Variants in SCMH1 observed in about 807,000 individuals in gnomAD.
SCMH1 encodes the protein polycomb protein SCMH1.
In SCMH1, 37 loss-of-function variants were observed where a neutral mutation model predicts 70.8. The observed-to-expected ratio is 0.52, with a 90% CI of 0.40 to 0.69. The LOEUF (loss-of-function observed/expected upper bound fraction) is 0.69, where lower values mean the gene tolerates loss of function less well. SCMH1 is among the 30% of genes least tolerant of loss of function. SCMH1 has a pLI of 0.00. For missense variants in SCMH1, 607 were observed against 827.3 expected (o/e 0.73, Z 3.27); for synonymous variants, 292 against 307.4 (o/e 0.95, Z 0.52).
intron 7 of SCMH1, among the ~76,000 whole-genome samples, chr1:41,116,116 A>T (rs1408643283): frequency 6.6e-6 from 1 of 152,052 alleles, no homozygotes; most frequent in Non-Finnish European, 1.5e-5. Context: ...TTCTACTTGG[A>T]GTCTTTTGGT....
In SCMH1 at chr1:41,089,787, C is replaced by CTTTTTTTTTTTTTTTTTTTTTTTTTTT. The variant is rs373229472; in HGVS notation, c.746-14337_746-14336insAAAAAAAAAAAAAAAAAAAAAAAAAAA. Among the ~76,000 whole-genome samples, 10 of 58,754 alleles carry CTTTTTTTTTTTTTTTTTTTTTTTTTTT rather than the reference C, an allele frequency of 1.7e-4. 3 individuals carry two copies. The highest frequency in any genetic ancestry group is 2.9e-4 in the African/African-American group (4 of 13,600). 38.5% of individuals were successfully genotyped at this position (58,754 alleles called of 152,430 possible). A position where few individuals can be genotyped will look rare whatever the true frequency, so the allele number is the denominator to read the frequency against. ...TTATTCCACTCTAACCATGTTGTCTCTTTTTTTTTTTTTTTTTTTTTTGAG... is the reference window on the plus strand; with the variant it reads ...TTATTCCACTCTAACCATGTTGTCTCTTTTTTTTTTTTTTTTTTTTTTTTTTTTTTTTTTTTTTTTTTTTTTTTTGAG... On this transcript the variant is annotated intron_variant, in intron 8 of 14. Transcript: ENST00000337495.
chr1:41,068,566 T>A (rs1655450989), intron 10 of SCMH1, among the ~76,000 whole-genome samples: 1 of 152,078 alleles, frequency 6.6e-6, no homozygotes, highest in East Asian at 1.9e-4. Context: ...CCACCATGCC[T>A]GGCTAATTTT....
At chr1:41,061,527 A>G (rs1010274735) in intron 10 of SCMH1, among the ~76,000 whole-genome samples, 5 of 152,210 alleles carry the variant, frequency 3.3e-5, no homozygotes, top group Non-Finnish European at 5.9e-5. Context: ...CCAAGAAGAC[A>G]TATCATTCCT....
At chr1:41,236,051 T>G (rs1211739006) in intron 1 of SCMH1, among the ~76,000 whole-genome samples, 1 of 152,236 alleles carries the variant, frequency 6.6e-6, no homozygotes, top group Non-Finnish European at 1.5e-5. Flanking sequence ...TGAATATTTT[T>G]GAACATCCCT....
intron 1 of SCMH1, among the ~76,000 whole-genome samples, chr1:41,223,010 G>A (rs1436761021): frequency 6.6e-6 from 1 of 152,048 alleles, no homozygotes; most frequent in Non-Finnish European, 1.5e-5. Flanking sequence ...TAGATTATGA[G>A]CCTTGTGGGG....
intron 10 of SCMH1, among the ~76,000 whole-genome samples, chr1:41,058,137 A>C (rs1651145303): frequency 6.7e-6 from 1 of 148,990 alleles, no homozygotes; most frequent in Non-Finnish European, 1.5e-5. Context: ...AAAAAAAAAG[A>C]AAAAGAAAAA....
At chr1:41,180,149 T>G (rs961434341) in intron 2 of SCMH1, among the ~76,000 whole-genome samples, 12 of 152,174 alleles carry the variant, frequency 7.9e-5, no homozygotes, top group Non-Finnish European at 1.3e-4. Flanking sequence ...AAAAGGCCTT[T>G]GACAAAATTC....
intron 1 of SCMH1, among the ~76,000 whole-genome samples, chr1:41,227,417 T>C (rs1278317759): frequency 6.6e-6 from 1 of 152,208 alleles, no homozygotes; most frequent in East Asian, 1.9e-4. Flanking sequence ...GAGCCTTTAA[T>C]TTTAAAAGAA....
At chr1:41,152,711 C>A (rs1160691077) in intron 4 of SCMH1, 1 of 1,611,678 alleles carries the variant, frequency 6.2e-7, no homozygotes, top group South Asian at 1.1e-5. Flanking sequence ...CAGCACAGAG[C>A]CCCTTTGGGC....
At chr1:41,050,021 A>C (rs1647479146) in intron 10 of SCMH1, among the ~76,000 whole-genome samples, 1 of 151,570 alleles carries the variant, frequency 6.6e-6, no homozygotes, top group Non-Finnish European at 1.5e-5. Flanking sequence ...GCGCCACTGC[A>C]CTCCAGCCTG....
chr1:41,149,661 G>C (rs1644888602), intron 5 of SCMH1, among the ~76,000 whole-genome samples: 2 of 152,110 alleles, frequency 1.3e-5, no homozygotes, highest in South Asian at 4.1e-4. Flanking sequence ...ATCTTCTTGA[G>C]TTTTACCTTT....
intron 8 of SCMH1, among the ~76,000 whole-genome samples, chr1:41,084,545 C>T (rs1661015539): frequency 6.6e-6 from 1 of 152,092 alleles, no homozygotes; most frequent in Non-Finnish European, 1.5e-5. Context: ...TAAACTAGTT[C>T]AACCCTTGTG....
chr1:41,148,646 T>G (rs1263121374), intron 5 of SCMH1, among the ~76,000 whole-genome samples: 1 of 152,140 alleles, frequency 6.6e-6, no homozygotes, highest in African/African-American at 2.4e-5. Flanking sequence ...ATATATAAAG[T>G]GTCTTTTTTC....
At chr1:41,199,273 A>G (rs1653736006) in intron 1 of SCMH1, among the ~76,000 whole-genome samples, 2 of 152,178 alleles carry the variant, frequency 1.3e-5, no homozygotes, top group Admixed American at 6.5e-5. Flanking sequence ...CTAGCACCCC[A>G]ATAAATATCC....
At chr1:41,108,331 T>C (rs1279107108) in intron 8 of SCMH1, among the ~76,000 whole-genome samples, 2 of 152,184 alleles carry the variant, frequency 1.3e-5, no homozygotes, top group South Asian at 2.1e-4. Flanking sequence ...TCAATCCACA[T>C]AGGGAGCTAA....
At chr1:41,207,223 CA>C in intron 1 of SCMH1, among the ~76,000 whole-genome samples, 1 of 152,190 alleles carries the variant, frequency 6.6e-6, no homozygotes, top group Non-Finnish European at 1.5e-5. Flanking sequence ...CTAAATGCCC[CA>C]ATTAAAAGAC....
At chr1:41,138,240 A>G (rs12137481) in intron 6 of SCMH1, among the ~76,000 whole-genome samples, 11,913 of 152,238 alleles carry the variant, frequency 0.078, 597 homozygotes, top group South Asian at 0.13. Context: ...TTCTTAGAAT[A>G]CAATAGTTTT....
At chr1:41,236,780 C>T (rs1032568036) in intron 1 of SCMH1, among the ~76,000 whole-genome samples, 1 of 152,146 alleles carries the variant, frequency 6.6e-6, no homozygotes, top group Non-Finnish European at 1.5e-5. Flanking sequence ...AGTTGTTATA[C>T]TATTGTTTAG....
intron 10 of SCMH1, among the ~76,000 whole-genome samples, chr1:41,053,129 C>T (rs1187120787): frequency 1.4e-4 from 2 of 14,328 alleles, no homozygotes; most frequent in African/African-American, 8.1e-4. Context: ...TTGATCTGCC[C>T]GCCTCAGCCT....
Sources: gnomAD v4.1 joint callset for allele counts (sites outside exome capture counted in the v4.1 genomes callset) on GRCh38, gnomAD v4.1.1 for gene constraint, MANE v1.5 for transcripts, NCBI Gene and HGNC (gene_info 2026-07-23, HGNC 2026-07-21) for gene names.